The following MAFG variants were observed in gnomAD, a reference collection of about 807,000 sequenced individuals.
The protein encoded by MAFG is MAF bZIP transcription factor G.
Under a neutral mutation model 12.2 loss-of-function variants are expected in MAFG, and 3 were observed. The observed-to-expected ratio is 0.25, with a 90% CI of 0.11 to 0.64. The LOEUF (loss-of-function observed/expected upper bound fraction) is 0.64, where lower values mean the gene tolerates loss of function less well. Ranked by LOEUF, MAFG falls within the 30% of genes least tolerant of loss-of-function variation. The pLI is 0.85. For synonymous variants in MAFG, 126 were observed against 109.1 expected, an observed-to-expected ratio of 1.15 and a Z score of -0.96; for missense variants, 153 against 235.5, an observed-to-expected ratio of 0.65 and a Z score of 2.29.
chr17:81,928,515 C>T (rs1410396975), upstream of MAFG: 1 of 152,190 alleles, frequency 6.6e-6, no homozygotes, highest in Non-Finnish European at 1.5e-5. The surrounding 1 kb of genome is among the most constrained non-coding windows in gnomAD (Gnocchi z 8.1). Flanking sequence ...ACAGGCCGGC[C>T]CCAAAGTCCC....
In MAFG at chr17:81,922,493, G is replaced by T. The variant is rs1018143399; in HGVS notation, c.*112C>A. 2 of 855,836 alleles carry T rather than the reference G, an allele frequency of 2.3e-6. No individual in the cohort carries two copies. Among genetic ancestry groups the T allele is most frequent in the African/African-American group, 1.8e-5 (1 of 55,298 alleles). The allele number at this position is 855,836 out of a possible 1,614,324, so 53.0% of individuals were successfully genotyped here. On this transcript the variant is annotated 3_prime_UTR_variant, in exon 3 of 3. Coordinates refer to ENST00000357736, the MANE Select transcript of MAFG (RefSeq NM_002359.4). ...GTTGTGCTTTGCAGGGAAGAGAGAA[G>T]GGTGGGGAAGAGAGGGAGGAAAGAG...
chr17:81,930,997 G>A (rs901462939), upstream of MAFG, among the ~76,000 whole-genome samples: 6 of 152,172 alleles, frequency 3.9e-5, no homozygotes, highest in Admixed American at 1.3e-4. This position sits in a 1 kb window ranked among gnomAD's most constrained non-coding sequence, Gnocchi z 4.1. Flanking sequence ...GGGTGGGCCC[G>A]TCCTCACGCT....
Position 81,925,996 on chromosome 17 carries a change from C to CTGTGTGTGTG in MAFG, c.-30+1522_-30+1531dup, listed in dbSNP as rs532478689. Among the ~76,000 whole-genome samples the CTGTGTGTGTG allele has an allele frequency of 2.5e-3, 222 of 89,026 alleles. 2 individuals are homozygous for CTGTGTGTGTG. The highest frequency in any genetic ancestry group is 9.8e-3 in the African/African-American group (207 of 21,202). The allele number at this position is 89,026 out of a possible 152,430, so 58.4% of individuals were successfully genotyped here. On this transcript the variant is annotated intron_variant, in intron 1 of 2. Transcript: ENST00000357736. Reference sequence around the variant, plus strand: ...TGGGGGGTGCTCACTGAGAATGGACCTGTGTGTGTGTGTGTGTGTGTGTGT... The same window carrying CTGTGTGTGTG: ...TGGGGGGTGCTCACTGAGAATGGACCTGTGTGTGTGTGTGTGTGTGTGTGTGTGTGTGTGT...
intron 1 of MAFG, among the ~76,000 whole-genome samples, chr17:81,925,899 A>G (rs2040935753): frequency 6.6e-6 from 1 of 151,724 alleles, no homozygotes; most frequent in Non-Finnish European, 1.5e-5. Context: ...CGGTCAGCTA[A>G]AACATTGAAA....
rs563949114 is a variant in MAFG at position 81,921,814 on chromosome 17, G to A, written c.*791C>T. On this transcript the variant is annotated 3_prime_UTR_variant, in exon 3 of 3. Transcript: ENST00000357736. ...AAGACAGTTTTATAAATACTCTGCA[G>A]CTCTTTTTTCTTTAACTTTTAAACA... 25 of 151,128 alleles carry A rather than the reference G, an allele frequency of 1.7e-4. No individual in the cohort carries two copies. Among genetic ancestry groups the A allele is most frequent in the African/African-American group, 6.1e-4 (25 of 41,116 alleles). 9.4% of individuals were successfully genotyped at this position (151,128 alleles called of 1,614,324 possible).
In MAFG at chr17:81,921,012, T is replaced by C. The variant is rs933457829; in HGVS notation, c.*1593A>G. 2.2e-4 allele frequency: 33 copies of C among 152,488 alleles called. No homozygotes were observed. The highest frequency in any genetic ancestry group is 7.7e-4 in the African/African-American group (32 of 41,570). The allele number at this position is 152,488 out of a possible 1,614,324, so 9.4% of individuals were successfully genotyped here. A position where few individuals can be genotyped will look rare whatever the true frequency, so the allele number is the denominator to read the frequency against. On this transcript the variant is annotated 3_prime_UTR_variant, in exon 3 of 3. Coordinates refer to ENST00000357736, the MANE Select transcript of MAFG (RefSeq NM_002359.4). ...CCAGAGGAAGACGGCCAGGGAACGCTTGGCCATAGCCCTGTGGCCACCCAC... is the reference window on the plus strand; with the variant it reads ...CCAGAGGAAGACGGCCAGGGAACGCCTGGCCATAGCCCTGTGGCCACCCAC...
At chr17:81,929,858 A>C (rs1375273539), upstream of MAFG, 1 of 150,406 alleles carries the variant, frequency 6.6e-6, no homozygotes, top group African/African-American at 2.6e-5. The surrounding 1 kb of genome is among the most constrained non-coding windows in gnomAD (Gnocchi z 5.7). Flanking sequence ...CTCCCGCCCC[A>C]GGCTGCACCT....
upstream of MAFG, chr17:81,927,778 G>C (rs2040954292): frequency 1.3e-5 from 2 of 152,092 alleles, no homozygotes; most frequent in South Asian, 4.1e-4. Flanking sequence ...CGGCGACGCG[G>C]CCGGCCGGCG....
chr17:81,923,195 G>T lies in MAFG; in HGVS notation c.-10C>A, dbSNP rs375097688. The stretch of plus-strand genomic sequence containing the variant: ...TATTGGGGGTCGTCATAACCCGGGG[G>T]CACAGCGAGCAGGCGCTCTCTGCAA... On this transcript the variant is annotated 5_prime_UTR_variant, in exon 2 of 3. Transcript: ENST00000357736. 1.9e-6 allele frequency: 3 copies of T among 1,595,138 alleles called. No individual in the cohort carries two copies. Among genetic ancestry groups the T allele is most frequent in the Non-Finnish European group, 2.6e-6 (3 of 1,171,408 alleles).
chr17:81,929,886 C>G (rs1598349635), upstream of MAFG: 1 of 146,220 alleles, frequency 6.8e-6, no homozygotes, highest in African/African-American at 2.8e-5. This position sits in a 1 kb window ranked among gnomAD's most constrained non-coding sequence, Gnocchi z 5.7. Context: ...GACTGGCCCC[C>G]GCAGGCACCT....
chr17:81,928,396 C>T (rs2040960252), upstream of MAFG: 1 of 152,158 alleles, frequency 6.6e-6, no homozygotes, highest in African/African-American at 2.4e-5. This position sits in a 1 kb window ranked among gnomAD's most constrained non-coding sequence, Gnocchi z 8.1. Context: ...ACCCTCTTCC[C>T]TTCGCAGCTG....
rs766964431 is a variant in MAFG, at chr17:81,922,768, G to A, written c.326C>T (p.Ser109Phe). 1 of 1,595,680 alleles carries A rather than the reference G, an allele frequency of 6.3e-7. No individual in the cohort carries two copies. The highest frequency in any genetic ancestry group is 8.5e-7 in the Non-Finnish European group (1 of 1,171,192). Residue 109 changes from serine (S) to phenylalanine (F), a missense_variant, in exon 3 of 3, where the codon TCC becomes TTC. Ser to Phe is a radical substitution (Grantham distance 155, BLOSUM62 -2). This residue lies in a region of MAFG where 81 missense variants were observed against 94.7 expected (regional missense o/e 0.86). Coordinates refer to ENST00000357736, the MANE Select transcript of MAFG (RefSeq NM_002359.4). ...SMKLELDALR[S>F]KYEALQTFAR... ...GAAGGTCTGCAGCGCCTCGTACTTGGAGCGCAGCGCGTCGAGCTCCAGCTT... is the reference window on the plus strand; with the variant it reads ...GAAGGTCTGCAGCGCCTCGTACTTGAAGCGCAGCGCGTCGAGCTCCAGCTT...
rs1257166964 is a variant in MAFG at position 81,918,427 on chromosome 17, G to A, written c.*4178C>T. 4.7e-6 allele frequency: 1 copy of A among 213,998 alleles called. No individual in the cohort carries two copies. Among genetic ancestry groups the A allele is most frequent in the Non-Finnish European group, 9.3e-6 (1 of 107,272 alleles). 13.3% of individuals were successfully genotyped at this position (213,998 alleles called of 1,614,324 possible). On this transcript the variant is annotated 3_prime_UTR_variant, in exon 3 of 3. Coordinates refer to ENST00000357736, the MANE Select transcript of MAFG (RefSeq NM_002359.4). ...TAAATACTGCGCAGGGCAGGGGTAGGGCACCAAGGCCACTGCCCTGCAAGA... is the reference window on the plus strand; with the variant it reads ...TAAATACTGCGCAGGGCAGGGGTAGAGCACCAAGGCCACTGCCCTGCAAGA...
Position 81,924,736 on chromosome 17 carries a change from A to G in MAFG, c.-29-1522T>C, listed in dbSNP as rs1179624277. The stretch of plus-strand genomic sequence containing the variant: ...CTGAGCTGGAGGTCAGAAGGCCCAC[A>G]GGAGCCCTTTCCTACACGTCCGGCA... On this transcript the variant is annotated intron_variant, in intron 1 of 2. Transcript: ENST00000357736. The surrounding 1 kb of genome is among the most constrained non-coding windows in gnomAD (Gnocchi z 4.7). 1.3e-5 allele frequency among the ~76,000 whole-genome samples: 2 copies of G among 152,206 alleles called. No individual in the cohort carries two copies. The highest frequency in any genetic ancestry group is 2.9e-5 in the Non-Finnish European group (2 of 68,026).
At chr17:81,923,350 T>G in intron 1 of MAFG, 136 bp from the exon 2 acceptor site, 7 of 528,560 alleles carry the variant, frequency 1.3e-5, no homozygotes, top group Non-Finnish European at 1.6e-5. Flanking sequence ...CAGCCCCCAA[T>G]ACCTGATAGG....
rs1362318056 is a variant in MAFG, at chr17:81,922,567, G to C, written c.*38C>G. 1.4e-6 allele frequency: 2 copies of C among 1,401,038 alleles called. No individual in the cohort carries two copies. Among genetic ancestry groups the C allele is most frequent in the East Asian group, 2.7e-5 (1 of 37,474 alleles). 86.8% of individuals were successfully genotyped at this position (1,401,038 alleles called of 1,614,324 possible). On this transcript the variant is annotated 3_prime_UTR_variant, in exon 3 of 3. Transcript: ENST00000357736. ...GGCAGCCAAATTCGCCATGTGCCTA[G>C]TGGCCCCGCAAAGACCCGCCTGGGC...
Position 81,922,911 on chromosome 17 carries a change from G to A in MAFG, c.183C>T (p.Asn61=). Residue 61 remains asparagine (N), a synonymous_variant, in exon 3 of 3, where the codon AAC becomes AAT. Coordinates refer to ENST00000357736, the MANE Select transcript of MAFG (RefSeq NM_002359.4). The part of the protein sequence containing the change: ...QLKQRRRTLK[N]RGYAASCRVK... The stretch of plus-strand genomic sequence containing the variant: ...CGCGGCAGCTGGCAGCGTAGCCGCG[G>A]TTCTTGAGCGTGCGCCGGCGCTGCT... The A allele has an allele frequency of 6.2e-7, 1 of 1,610,202 alleles. No individual in the cohort carries two copies. The highest frequency in any genetic ancestry group is 8.5e-7 in the Non-Finnish European group (1 of 1,178,792).
intron 1 of MAFG, chr17:81,923,494 A>C: frequency 2.8e-6 from 1 of 356,254 alleles, no homozygotes; most frequent in East Asian, 5.1e-5. Context: ...CAGGCGCAAG[A>C]CAAGGGGCAG....
chr17:81,923,486 GGC>G (rs2040915703), intron 1 of MAFG: 1 of 373,414 alleles, frequency 2.7e-6, no homozygotes, highest in African/African-American at 2.1e-5. Flanking sequence ...TAGGAAGGCA[GGC>G]GCAAGACAAG....
Sources: gnomAD v4.1 joint callset for allele counts (sites outside exome capture counted in the v4.1 genomes callset) on GRCh38, gnomAD v4.1.1 for gene constraint, gnomAD v4.1.1 regional missense constraint, Gnocchi (gnomAD v3.1) non-coding constraint, MANE v1.5 for transcripts, NCBI Gene and HGNC (gene_info 2026-07-23, HGNC 2026-07-21) for gene names.